The following TMTC2 variants were observed in gnomAD, a reference collection of about 807,000 sequenced individuals.
The protein encoded by TMTC2 is protein O-mannosyl-transferase TMTC2.
TMTC2 carries 43 observed loss-of-function variants against 82.4 expected under a neutral mutation model. The observed-to-expected ratio is 0.52, with a 90% CI of 0.41 to 0.67. TMTC2 has a LOEUF of 0.67. Among genes scored for constraint, TMTC2 ranks in the 30% least tolerant of loss-of-function variants. The pLI, the probability that TMTC2 is intolerant of heterozygous loss-of-function variation, is 0.00. For synonymous variants in TMTC2, 408 were observed against 381.9 expected (o/e 1.07, Z -0.80); for missense variants, 919 against 1,012.4 (o/e 0.91, Z 1.25).
intron 11 of TMTC2, among the ~76,000 whole-genome samples, chr12:83,094,837 T>C (rs1883968751): frequency 6.6e-6 from 1 of 152,124 alleles, no homozygotes; most frequent in Non-Finnish European, 1.5e-5. Flanking sequence ...GTCAAACATA[T>C]CTGATGGGAA....
At chr12:82,849,431 A>T (rs1870855752) in intron 1 of TMTC2, among the ~76,000 whole-genome samples, 1 of 152,136 alleles carries the variant, frequency 6.6e-6, no homozygotes, top group Non-Finnish European at 1.5e-5. Context: ...GGCAGATTCA[A>T]GGGAAACTTC....
At chr12:82,988,040 G>A (rs2019662) in intron 8 of TMTC2, among the ~76,000 whole-genome samples, 111,047 of 152,114 alleles carry the variant, frequency 0.73, 42,226 homozygotes, top group South Asian at 0.88. Flanking sequence ...TTCTTCAAGA[G>A]AACACAAATC....
At chr12:83,048,575 A>C (rs1444501869) in intron 9 of TMTC2, among the ~76,000 whole-genome samples, 2 of 152,194 alleles carry the variant, frequency 1.3e-5, no homozygotes, top group Non-Finnish European at 1.5e-5. Flanking sequence ...TTTTGAAAAA[A>C]ACAGAAAGTC....
At chr12:83,043,700 T>G (rs1279110057) in intron 9 of TMTC2, among the ~76,000 whole-genome samples, 1 of 152,212 alleles carries the variant, frequency 6.6e-6, no homozygotes, top group Non-Finnish European at 1.5e-5. Context: ...AAAATGGAAC[T>G]TCTTCAAGGA....
At chr12:82,966,708 A>G (rs984156443) in intron 6 of TMTC2, among the ~76,000 whole-genome samples, 1 of 152,158 alleles carries the variant, frequency 6.6e-6, no homozygotes, top group Non-Finnish European at 1.5e-5. Flanking sequence ...TCGTTAAGCT[A>G]TGGCATTCTT....
intron 3 of TMTC2, 44 bp downstream of exon 3, chr12:82,896,690 C>G: frequency 6.8e-7 from 1 of 1,470,498 alleles, no homozygotes; most frequent in Non-Finnish European, 9.2e-7. Context: ...TTTACACTTT[C>G]AGCCTCTTTA....
chr12:82,929,294 C>T (rs1875895813), intron 3 of TMTC2, among the ~76,000 whole-genome samples: 1 of 152,034 alleles, frequency 6.6e-6, no homozygotes, highest in African/African-American at 2.4e-5. Flanking sequence ...TGAGCTCAAA[C>T]AGTCCACTCG....
rs564261282 is a variant in TMTC2 at position 82,959,600 on chromosome 12, C to T, written c.1599-5424C>T. ...AGGATTTGCTGTTCAGTAAATAATG[C>T]TGGGATAGCTGGCTAGCCATATGCA... On this transcript the variant is annotated intron_variant, in intron 4 of 11. Transcript: ENST00000321196. Among the ~76,000 whole-genome samples, 6 of 152,192 alleles carry T rather than the reference C, an allele frequency of 3.9e-5. No homozygotes were observed. The South Asian group carries it at 1.2e-3, about 32-fold the overall frequency.
chr12:82,977,059 A>G (rs973451569), intron 7 of TMTC2, among the ~76,000 whole-genome samples: 1 of 152,026 alleles, frequency 6.6e-6, no homozygotes, highest in Admixed American at 6.6e-5. Flanking sequence ...GTTTTGTAGC[A>G]GAAAGATTAT....
chr12:83,018,259 C>T (rs997968326), intron 8 of TMTC2, among the ~76,000 whole-genome samples: 7 of 152,068 alleles, frequency 4.6e-5, no homozygotes, highest in African/African-American at 1.7e-4. Context: ...TGTTTAGGCT[C>T]CTGCCTTTTC....
At chr12:82,742,311 A>G (rs1045758262) in intron 1 of TMTC2, among the ~76,000 whole-genome samples, 15 of 151,334 alleles carry the variant, frequency 9.9e-5, no homozygotes, top group African/African-American at 3.6e-4. Context: ...TTAGCCTCGG[A>G]GCTAAGCTAA....
chr12:82,740,409 T>C lies in TMTC2; in HGVS notation c.83+52740T>C, dbSNP rs565952327. Among the ~76,000 whole-genome samples, 13 of 152,322 alleles carry C rather than the reference T, an allele frequency of 8.5e-5. No individual in the cohort carries two copies. The East Asian group carries it at 1.7e-3, about 20-fold the overall frequency. ...ACAGACTATCTAATGGCTACTTATT[T>C]CCTCCTGGTCATTTTTTCTTCCATT... is the stretch of plus-strand genomic sequence containing the variant. On this transcript the variant is annotated intron_variant, in intron 1 of 11. Transcript: ENST00000321196.
In TMTC2 at chr12:83,078,084, G is replaced by A. The variant is rs370419989; in HGVS notation, c.2331+16253G>A. Among the ~76,000 whole-genome samples, 13 of 152,036 alleles carry A rather than the reference G, an allele frequency of 8.6e-5. No homozygotes were observed. In the East Asian group the frequency reaches 2.1e-3, roughly 25 times the overall value. Reference sequence around the variant, plus strand: ...CTTAGCAGGGCTCTCACTGAAGGTAGGCCAGGTGATCGGATATCAAAAGGT... The same window carrying A: ...CTTAGCAGGGCTCTCACTGAAGGTAAGCCAGGTGATCGGATATCAAAAGGT... On this transcript the variant is annotated intron_variant, in intron 11 of 11. Transcript: ENST00000321196.
intron 3 of TMTC2, among the ~76,000 whole-genome samples, chr12:82,903,103 T>G (rs1349808121): frequency 6.6e-6 from 1 of 152,174 alleles, no homozygotes; most frequent in Admixed American, 6.5e-5. Context: ...TGCTTCTTCC[T>G]GCAATGTGTT....
At chr12:83,002,564 C>G (rs1879974447) in intron 8 of TMTC2, among the ~76,000 whole-genome samples, 1 of 152,122 alleles carries the variant, frequency 6.6e-6, no homozygotes, top group African/African-American at 2.4e-5. Flanking sequence ...AAACTTTCCT[C>G]TTAACATTGC....
chr12:82,790,175 TAAA>T (rs368323390), intron 1 of TMTC2, among the ~76,000 whole-genome samples: 10 of 136,354 alleles, frequency 7.3e-5, no homozygotes, highest in Non-Finnish European at 7.9e-5. Context: ...CCTTGTCTCT[TAAA>T]AAAAAAAAAA....
intron 1 of TMTC2, among the ~76,000 whole-genome samples, chr12:82,738,886 G>A (rs1875246925): frequency 1.3e-5 from 2 of 152,030 alleles, no homozygotes; most frequent in African/African-American, 4.8e-5. Context: ...GATGGCTCAC[G>A]TTTGTAATCC....
chr12:82,960,608 C>T (rs1190836002), intron 4 of TMTC2, among the ~76,000 whole-genome samples: 1 of 151,654 alleles, frequency 6.6e-6, no homozygotes, highest in Non-Finnish European at 1.5e-5. Flanking sequence ...CAATAAAAGA[C>T]ACTGGGGATT....
intron 1 of TMTC2, among the ~76,000 whole-genome samples, chr12:82,800,568 T>C (rs964988609): frequency 6.6e-6 from 1 of 152,202 alleles, no homozygotes; most frequent in East Asian, 1.9e-4. Flanking sequence ...GAGAAAAAGG[T>C]AAATGTCAGA....
Sources: allele counts gnomAD v4.1 joint callset (sites outside exome capture counted in the v4.1 genomes callset), GRCh38; gene constraint gnomAD v4.1.1; transcripts MANE v1.5; gene names NCBI Gene and HGNC (gene_info 2026-07-23, HGNC 2026-07-21).